IQSEC3: variants seen among roughly 807,000 people sequenced by gnomAD.
IQSEC3 encodes IQ motif and Sec7 domain ArfGEF 3.
IQSEC3 carries 50 observed loss-of-function variants against 105.4 expected under a neutral mutation model. The observed-to-expected ratio is 0.47, with a 90% CI of 0.38 to 0.60. The LOEUF (loss-of-function observed/expected upper bound fraction) is 0.60. IQSEC3 is among the 20% of genes least tolerant of loss of function. The pLI is 0.00. For synonymous variants in IQSEC3, 708 were observed against 746.0 expected (o/e 0.95, Z 0.83); for missense variants, 1,415 against 1,630.0 (o/e 0.87, Z 2.27).
chr12:145,807 A>G (rs74055579), intron 5 of IQSEC3, among the ~76,000 whole-genome samples: 17,150 of 152,294 alleles, frequency 0.11, 1,130 homozygotes, highest in African/African-American at 0.19. Context: ...CAGCAGGTTT[A>G]AAGTCCAGCG....
intron 1 of IQSEC3, among the ~76,000 whole-genome samples, chr12:73,049 TATAAATAAATAAATAAATAAATAAATAA>T (rs58047522): frequency 2.9e-5 from 4 of 135,610 alleles, no homozygotes; most frequent in Non-Finnish European, 4.6e-5. Context: ...CTGCCTAAAA[TATAAATAAATAAATAAATAAATAAATAA>T]ATAAATAAAT....
At chr12:80,936 A>C (rs77695339) in intron 1 of IQSEC3, among the ~76,000 whole-genome samples, 3,759 of 152,332 alleles carry the variant, frequency 0.025, 71 homozygotes, top group Middle Eastern at 0.068. Flanking sequence ...AGGTTGTTCA[A>C]GTAAGACAAG....
At chr12:137,614 A>C (rs749027161) in intron 3 of IQSEC3, 2 of 148,988 alleles carry the variant, frequency 1.3e-5, no homozygotes, top group Non-Finnish European at 3.0e-5. Flanking sequence ...TTCTGTATGC[A>C]TCTCTGACAT....
intron 1 of IQSEC3, among the ~76,000 whole-genome samples, chr12:85,123 T>C (rs1168904105): frequency 6.6e-6 from 1 of 152,264 alleles, no homozygotes; most frequent in African/African-American, 2.4e-5. Context: ...ATCAGAAACA[T>C]GCATAAATGC....
At chr12:93,976 C>A (rs1280905986) in intron 1 of IQSEC3, among the ~76,000 whole-genome samples, 1 of 152,244 alleles carries the variant, frequency 6.6e-6, no homozygotes, top group Non-Finnish European at 1.5e-5. Flanking sequence ...GAAGCAGATG[C>A]TGCAGCCATG....
chr12:157,121 G>A lies in IQSEC3; in HGVS notation c.2250G>A (p.Lys750=). 1.3e-6 allele frequency: 2 copies of A among 1,596,414 alleles called. No individual in the cohort carries two copies. Among genetic ancestry groups the A allele is most frequent in the Non-Finnish European group, 1.7e-6 (2 of 1,171,304 alleles). ...AHIRVQGEAQ[K]VERLIEAFSQ... ...TCCGTGTGCAGGGGGAGGCTCAGAA[G>A]GTGGAGCGGCTCATTGAGGCCTTCA... Residue 750 remains lysine (K), a synonymous_variant, in exon 6 of 14, where the codon AAG becomes AAA. Coordinates refer to ENST00000538872, the MANE Select transcript of IQSEC3 (RefSeq NM_001170738.2).
intron 2 of IQSEC3, among the ~76,000 whole-genome samples, chr12:120,975 T>C (rs1487595770): frequency 6.6e-6 from 1 of 152,188 alleles, no homozygotes; most frequent in Non-Finnish European, 1.5e-5. Context: ...GACCTCACGT[T>C]TTCTCCCGGC....
chr12:108,917 G>C (rs1864775781), intron 2 of IQSEC3, among the ~76,000 whole-genome samples: 1 of 152,244 alleles, frequency 6.6e-6, no homozygotes, highest in African/African-American at 2.4e-5. Flanking sequence ...CGCCACCCCT[G>C]CTGGTGACCC....
chr12:96,804 AG>A (rs1304204248), intron 1 of IQSEC3, among the ~76,000 whole-genome samples: 1 of 152,202 alleles, frequency 6.6e-6, no homozygotes, highest in African/African-American at 2.4e-5. Flanking sequence ...GGCCTGAACT[AG>A]GTTTCTTTGG....
chr12:130,818 C>T (rs889961304), intron 3 of IQSEC3, among the ~76,000 whole-genome samples: 3 of 152,356 alleles, frequency 2.0e-5, no homozygotes, highest in Middle Eastern at 6.8e-3. Context: ...GTGGGCCTCT[C>T]TGAACACCCC....
At chr12:109,393 G>A (rs782695810) in intron 2 of IQSEC3, among the ~76,000 whole-genome samples, 17 of 152,052 alleles carry the variant, frequency 1.1e-4, no homozygotes, top group Admixed American at 2.0e-4. Flanking sequence ...TCCTTATGTA[G>A]CCCCCCGGCC....
chr12:163,064 C>A (rs561413452), intron 8 of IQSEC3, among the ~76,000 whole-genome samples: 11 of 152,088 alleles, frequency 7.2e-5, no homozygotes, highest in African/African-American at 2.4e-4. Context: ...AGGGGGTGAA[C>A]GTGCGAGGGA....
At chr12:115,365 T>C (rs540502720) in intron 2 of IQSEC3, among the ~76,000 whole-genome samples, 1 of 152,238 alleles carries the variant, frequency 6.6e-6, no homozygotes, top group African/African-American at 2.4e-5. Context: ...GAAGATGGAA[T>C]GAAGGGGCTT....
At chr12:102,167 C>T (rs1428627040) in intron 2 of IQSEC3, among the ~76,000 whole-genome samples, 15 of 148,084 alleles carry the variant, frequency 1.0e-4, no homozygotes, top group Non-Finnish European at 1.8e-4. Flanking sequence ...GGCTCCTCCC[C>T]GTCAGTCTGG....
rs775873640 is a variant in IQSEC3, at chr12:175,041, C to T, written c.*8C>T. Reference sequence around the variant, plus strand: ...TCAAGGAGCCTGGTGTAGACTCTGCCCCACCACCCTGCTGTCCTGGGAGGG... The same window carrying T: ...TCAAGGAGCCTGGTGTAGACTCTGCTCCACCACCCTGCTGTCCTGGGAGGG... On this transcript the variant is annotated 3_prime_UTR_variant, in exon 14 of 14. Coordinates refer to ENST00000538872, the MANE Select transcript of IQSEC3 (RefSeq NM_001170738.2). The T allele has an allele frequency of 3.3e-6, 5 of 1,513,056 alleles. No homozygotes were observed. Among genetic ancestry groups the T allele is most frequent in the Non-Finnish European group, 4.4e-6 (5 of 1,134,984 alleles). 93.7% of individuals were successfully genotyped at this position (1,513,056 alleles called of 1,614,324 possible).
chr12:173,701 G>A lies in IQSEC3; in HGVS notation c.3115-898G>A, dbSNP rs192223287. Among the ~76,000 whole-genome samples, 209 of 152,302 alleles carry A rather than the reference G, an allele frequency of 1.4e-3. 1 individual carries two copies. Among genetic ancestry groups the A allele is most frequent in the Admixed American group, 0.012 (187 of 15,300 alleles). ...GGGGGTTGGGTGGTGTCATAGCCAC[G>A]GGCAGGGGAGCTTGCGGGTGGAACG... On this transcript the variant is annotated intron_variant, in intron 13 of 13. Coordinates refer to ENST00000538872, the MANE Select transcript of IQSEC3 (RefSeq NM_001170738.2).
intron 2 of IQSEC3, among the ~76,000 whole-genome samples, chr12:122,914 T>C (rs957036393): frequency 2.0e-5 from 3 of 152,168 alleles, no homozygotes; most frequent in African/African-American, 4.8e-5. Context: ...ATCCTGGGCA[T>C]CAGTGCCAAG....
At chr12:76,664 C>A (rs1236521349) in intron 1 of IQSEC3, among the ~76,000 whole-genome samples, 2 of 152,382 alleles carry the variant, frequency 1.3e-5, no homozygotes, top group East Asian at 3.9e-4. Context: ...CTGGAGCATG[C>A]GGGAGACCAG....
Position 139,216 on chromosome 12 carries a change from C to A in IQSEC3, c.1853C>A (p.Ser618Tyr). 1 of 1,601,972 alleles carries A rather than the reference C, an allele frequency of 6.2e-7. No individual in the cohort carries two copies. Among genetic ancestry groups the A allele is most frequent in the African/African-American group, 1.3e-5 (1 of 74,518 alleles). ...GGCTCGGAGGCGTCGGCCTCCGCCT[C>A]CAAGGACGCCCTGCAGGCCATGATC... is the stretch of plus-strand genomic sequence containing the variant. ...KSGSEASASA[S>Y]KDALQAMILS... The change falls in exon 4 of 14, where the codon TCC (serine) becomes TAC (tyrosine). Residue 618 changes from serine (S) to tyrosine (Y), a missense_variant. Ser to Tyr is a moderately radical substitution (Grantham distance 144). This residue lies in a region of IQSEC3 where 720 missense variants were observed against 633.0 expected (regional missense o/e 1.14). Coordinates refer to ENST00000538872, the MANE Select transcript of IQSEC3 (RefSeq NM_001170738.2).
Sources: gnomAD v4.1 joint callset for allele counts (sites outside exome capture counted in the v4.1 genomes callset) on GRCh38, gnomAD v4.1.1 for gene constraint, gnomAD v4.1.1 regional missense constraint, MANE v1.5 for transcripts, NCBI Gene and HGNC (gene_info 2026-07-23, HGNC 2026-07-21) for gene names.